TRMT13: variants seen among roughly 807,000 people sequenced by gnomAD.
TRMT13 encodes the protein tRNA:m(4)X modification enzyme TRM13 homolog.
Under a neutral mutation model 55.9 loss-of-function variants are expected in TRMT13, and 45 were observed. That is an observed-to-expected ratio of 0.80 (90% CI 0.63 to 1.03). TRMT13 has a LOEUF of 1.03. Among genes scored for constraint, TRMT13 ranks in the 50% least tolerant of loss-of-function variants. The probability of loss-of-function intolerance (pLI) is 0.00; values close to 1 mark genes in which losing one functional copy is unlikely to be tolerated. For missense variants in TRMT13, 513 were observed against 563.9 expected (o/e 0.91, Z 0.91); for synonymous variants, 183 against 196.3 (o/e 0.93, Z 0.57).
rs992820267 is a variant in TRMT13, at chr1:100,133,425, A to G, written c.147+110A>G. The G allele has an allele frequency of 1.2e-5, 16 of 1,309,428 alleles. No individual in the cohort carries two copies. The South Asian group carries it at 2.2e-4, about 18-fold the overall frequency. 81.1% of individuals were successfully genotyped at this position (1,309,428 alleles called of 1,614,324 possible). A position where few individuals can be genotyped will look rare whatever the true frequency, so the allele number is the denominator to read the frequency against. ...ACAGCTTTCTGCTTGTGTCCCCTGG[A>G]TTCTCCAGCTTTCACTTTAATAAAC... On this transcript the variant is annotated intron_variant, in intron 1 of 10. Coordinates refer to ENST00000370141, the MANE Select transcript of TRMT13 (RefSeq NM_019083.3).
Position 100,148,726 on chromosome 1 carries a change from C to G in TRMT13, c.1352C>G (p.Ala451Gly). Residue 451 changes from alanine to glycine, a missense_variant, in exon 11 of 11, where the codon GCT (alanine) becomes GGT (glycine). Transcript: ENST00000370141. ...QYLQQKGFSP[A>G]LQYYTDPLVS... ...TTGCAGCAGAAGGGATTCAGTCCTG[C>G]TTTGCAGTACTATACAGACCCTCTG... The G allele has an allele frequency of 6.2e-7, 1 of 1,613,138 alleles. No individual in the cohort carries two copies. The highest frequency in any genetic ancestry group is 8.5e-7 in the Non-Finnish European group (1 of 1,179,654).
intron 1 of TRMT13, 66 bp downstream of exon 1, chr1:100,133,381 C>T (rs1655302047): frequency 6.6e-7 from 1 of 1,526,694 alleles, no homozygotes; most frequent in Non-Finnish European, 8.9e-7. Context: ...GTGCTGGAAC[C>T]CGGCCCCTCC....
chr1:100,135,300 A>C (rs555487328), intron 1 of TRMT13, among the ~76,000 whole-genome samples: 3 of 152,010 alleles, frequency 2.0e-5, no homozygotes, highest in Admixed American at 6.6e-5. Context: ...AGTCTTTTAC[A>C]TGGAGGTTAG....
chr1:100,141,004 G>T lies in TRMT13; in HGVS notation c.654G>T (p.Val218=). 6.2e-7 allele frequency: 1 copy of T among 1,612,026 alleles called. No homozygotes were observed. Among genetic ancestry groups the T allele is most frequent in the South Asian group, 1.1e-5 (1 of 90,754 alleles). Residue 218 remains valine, a synonymous_variant, in exon 7 of 11, where the codon GTG becomes GTT. Coordinates refer to ENST00000370141, the MANE Select transcript of TRMT13 (RefSeq NM_019083.3). ...TTCACTTCATCCTAGTGGAAAAGGTGACCACAAGATTCAAGGTAAGTGAAA... is the reference window on the plus strand; with the variant it reads ...TTCACTTCATCCTAGTGGAAAAGGTTACCACAAGATTCAAGGTAAGTGAAA... ...EKVHFILVEK[V]TTRFKVDGKH...
In TRMT13 at chr1:100,149,163, T is replaced by C. The variant is rs1570755892; in HGVS notation, c.*343T>C. 12 of 1,555,762 alleles carry C rather than the reference T, an allele frequency of 7.7e-6. No homozygotes were observed. In the East Asian group the frequency reaches 2.7e-4, roughly 36 times the overall value. The stretch of plus-strand genomic sequence containing the variant: ...TCTGTTTGTATTAATTTTGGAAATT[T>C]ATCTTCCTTTGATTTTATTTAATAT... On this transcript the variant is annotated 3_prime_UTR_variant, in exon 11 of 11. Coordinates refer to ENST00000370141, the MANE Select transcript of TRMT13 (RefSeq NM_019083.3).
rs534983523 is a variant in TRMT13, at chr1:100,149,522, A to G, written c.*702A>G. 9.6e-5 allele frequency: 122 copies of G among 1,277,206 alleles called. 1 individual carries two copies. Among genetic ancestry groups the G allele is most frequent in the Admixed American group, 2.5e-4 (9 of 35,330 alleles). The allele number at this position is 1,277,206 out of a possible 1,614,324, so 79.1% of individuals were successfully genotyped here. On this transcript the variant is annotated 3_prime_UTR_variant, in exon 11 of 11. Coordinates refer to ENST00000370141, the MANE Select transcript of TRMT13 (RefSeq NM_019083.3). The stretch of plus-strand genomic sequence containing the variant: ...AACTTCCAAAAAGATACTTACAAAC[A>G]TAATTCACAAATTTGAAATAATTTC...
intron 8 of TRMT13, 141 bp from the exon 9 acceptor site, chr1:100,143,928 G>C: frequency 1.5e-6 from 1 of 668,298 alleles, no homozygotes; most frequent in Non-Finnish European, 2.6e-6. Flanking sequence ...TATGTTATAT[G>C]TTGGGTTCCA....
intron 3 of TRMT13, 124 bp from the exon 4 acceptor site, chr1:100,139,525 A>G (rs1656330494): frequency 1.6e-6 from 1 of 632,282 alleles, no homozygotes; most frequent in Non-Finnish European, 2.8e-6. Context: ...TCATGAAGAA[A>G]TGAATGGAGG....
chr1:100,148,952 T>G lies in TRMT13; in HGVS notation c.*132T>G. The G allele has an allele frequency of 1.6e-6, 2 of 1,267,554 alleles. No individual in the cohort carries two copies. The highest frequency in any genetic ancestry group is 2.7e-5 in the East Asian group (1 of 37,662). 78.5% of individuals were successfully genotyped at this position (1,267,554 alleles called of 1,614,324 possible). A position where few individuals can be genotyped will look rare whatever the true frequency, so the allele number is the denominator to read the frequency against. On this transcript the variant is annotated 3_prime_UTR_variant, in exon 11 of 11. Coordinates refer to ENST00000370141, the MANE Select transcript of TRMT13 (RefSeq NM_019083.3). ...AAAAAATGCTGTGGCCTCATTAAAC[T>G]TTGGTAATAGCTTTTCTTTTTACTT...
chr1:100,146,608 C>T (rs1455414204), intron 9 of TRMT13, among the ~76,000 whole-genome samples: 1 of 152,076 alleles, frequency 6.6e-6, no homozygotes, highest in African/African-American at 2.4e-5. Context: ...CGGCTTCAAG[C>T]GATTCTCCTG....
In TRMT13 at chr1:100,143,903, C is replaced by T. The variant is rs564638021; in HGVS notation, c.743-166C>T. On this transcript the variant is annotated intron_variant, in intron 8 of 10. Coordinates refer to ENST00000370141, the MANE Select transcript of TRMT13 (RefSeq NM_019083.3). ...TATATTAACTTTCTGATGTTATGAACCCTAAACAAGTTCTTATGTTATATG... is the reference window on the plus strand; with the variant it reads ...TATATTAACTTTCTGATGTTATGAATCCTAAACAAGTTCTTATGTTATATG... Among the ~76,000 whole-genome samples, 4 of 152,186 alleles carry T rather than the reference C, an allele frequency of 2.6e-5. No homozygotes were observed. The East Asian group carries it at 7.7e-4, about 29-fold the overall frequency.
At chr1:100,136,580 C>T (rs1021525923) in intron 1 of TRMT13, among the ~76,000 whole-genome samples, 2 of 152,100 alleles carry the variant, frequency 1.3e-5, no homozygotes, top group African/African-American at 4.8e-5. Flanking sequence ...ATAAAATAGT[C>T]ATACATATAA....
chr1:100,140,446 C>G lies in TRMT13; in HGVS notation c.433C>G (p.Pro145Ala), dbSNP rs1277318318. The change falls in exon 6 of 11, where the codon CCA becomes GCA. Residue 145 changes from proline to alanine, a missense_variant. Coordinates refer to ENST00000370141, the MANE Select transcript of TRMT13 (RefSeq NM_019083.3). ...ACTTAAAGATCATATTATGTCCCAT[C>G]CAGCATTACACGATGCACTTAATGA... ...STLKDHIMSH[P>A]ALHDALNDPK... The G allele has an allele frequency of 4.3e-6, 7 of 1,613,840 alleles. No homozygotes were observed. Among genetic ancestry groups the G allele is most frequent in the Non-Finnish European group, 5.9e-6 (7 of 1,179,950 alleles).
At chr1:100,136,959 T>C in intron 2 of TRMT13, 31 bp downstream of exon 2, 1 of 1,600,716 alleles carries the variant, frequency 6.2e-7, no homozygotes, top group Non-Finnish European at 8.5e-7. Context: ...GGTTTTTTTT[T>C]GTGCTGGAAA....
intron 3 of TRMT13, among the ~76,000 whole-genome samples, chr1:100,138,883 T>C (rs959233885): frequency 2.6e-5 from 4 of 152,238 alleles, no homozygotes; most frequent in African/African-American, 9.6e-5. Flanking sequence ...GAAAGTTCTG[T>C]TGGACAATGG....
intron 9 of TRMT13, among the ~76,000 whole-genome samples, chr1:100,144,978 A>G (rs1437048350): frequency 6.6e-6 from 1 of 152,258 alleles, no homozygotes; most frequent in African/African-American, 2.4e-5. Flanking sequence ...CATGTACAAC[A>G]TAACGATGAT....
At position 100,133,192 on chromosome 1, in the gene TRMT13, G is replaced by C. The variant is rs752743501; in HGVS notation, c.24G>C (p.Pro8=). Residue 8 remains proline (P), a synonymous_variant, in exon 1 of 11, where the codon CCG becomes CCC. Transcript: ENST00000370141. MATSATS[P]HAPGFPAEGR... ...TTATGGCGACCTCCGCGACGTCGCC[G>C]CACGCGCCTGGTTTTCCAGCTGAGG... 5.6e-6 allele frequency: 9 copies of C among 1,614,078 alleles called. No individual in the cohort carries two copies. The East Asian group carries it at 2.0e-4, about 36-fold the overall frequency.
Position 100,133,583 on chromosome 1 carries a change from G to A in TRMT13, c.147+268G>A. Among the ~76,000 whole-genome samples, 2 of 152,138 alleles carry A rather than the reference G, an allele frequency of 1.3e-5. 1 individual carries two copies. The highest frequency in any genetic ancestry group is 3.8e-4 in the East Asian group (2 of 5,204). On this transcript the variant is annotated intron_variant, in intron 1 of 10. Coordinates refer to ENST00000370141, the MANE Select transcript of TRMT13 (RefSeq NM_019083.3). ...TCGATCTTAACTCATGGTAATGCTA[G>A]GTTTTAATTTTTACCCCAAGCTACC...
Position 100,148,255 on chromosome 1 carries a change from G to C in TRMT13, c.1179G>C (p.Gln393His). 1.9e-6 allele frequency: 3 copies of C among 1,614,158 alleles called. No individual in the cohort carries two copies. The highest frequency in any genetic ancestry group is 2.5e-6 in the Non-Finnish European group (3 of 1,180,026). Residue 393 changes from glutamine to histidine, a missense_variant, in exon 10 of 11, where the codon CAG (glutamine) becomes CAC (histidine). Transcript: ENST00000370141. Reference sequence around the variant, plus strand: ...GTACCACAAAGAGGCAAGATAATCAGAATGATGATAGTGAAGAGCATGATG... The same window carrying C: ...GTACCACAAAGAGGCAAGATAATCACAATGATGATAGTGAAGAGCATGATG... The part of the protein sequence containing the change: ...SNSTTKRQDN[Q>H]NDDSEEHDDG...
Sources: allele counts gnomAD v4.1 joint callset (sites outside exome capture counted in the v4.1 genomes callset), GRCh38; gene constraint gnomAD v4.1.1; transcripts MANE v1.5; gene names NCBI Gene and HGNC (gene_info 2026-07-23, HGNC 2026-07-21).